Variants in RMDN2 observed in about 807,000 individuals in gnomAD.
The protein encoded by RMDN2 is regulator of microtubule dynamics protein 2.
In RMDN2, 61 loss-of-function variants were observed where a neutral mutation model predicts 52.8. The ratio of observed to expected loss-of-function variants is 1.16; its 90% CI spans 0.94 to 1.43. RMDN2 has a LOEUF of 1.43. Ranked by LOEUF, RMDN2 falls within the 40% of genes most tolerant of loss-of-function variation. The pLI, the probability that RMDN2 is intolerant of heterozygous loss-of-function variation, is 0.00. For missense variants in RMDN2, 592 were observed against 475.3 expected, an observed-to-expected ratio of 1.25 and a Z score of -2.28; for synonymous variants, 180 against 153.1, an observed-to-expected ratio of 1.18 and a Z score of -1.30.
intron 10 of RMDN2, among the ~76,000 whole-genome samples, chr2:38,004,838 T>C (rs978581431): frequency 3.3e-5 from 5 of 151,936 alleles, no homozygotes; most frequent in African/African-American, 1.2e-4. Context: ...CCTAATGCTA[T>C]CCCTCCCCAC....
intron 10 of RMDN2, chr2:38,030,238 C>CT (rs879039856): frequency 2.6e-5 from 4 of 152,178 alleles, no homozygotes; most frequent in Admixed American, 2.6e-4. Context: ...GTGCATTCTA[C>CT]TTTATTTTTT....
chr2:37,993,277 A>T (rs1056633199), intron 7 of RMDN2, among the ~76,000 whole-genome samples: 2 of 152,176 alleles, frequency 1.3e-5, no homozygotes, highest in Non-Finnish European at 2.9e-5. Context: ...TCTACTGCCT[A>T]TAAATTATAA....
chr2:37,956,763 C>T (rs1156253834), intron 2 of RMDN2, among the ~76,000 whole-genome samples: 1 of 151,920 alleles, frequency 6.6e-6, no homozygotes, highest in Non-Finnish European at 1.5e-5. Context: ...CCCATCAACC[C>T]GTCATCTATG....
intron 10 of RMDN2, among the ~76,000 whole-genome samples, chr2:38,032,592 C>T (rs931177634): frequency 1.3e-4 from 20 of 152,326 alleles, no homozygotes; most frequent in African/African-American, 4.3e-4. Context: ...GTAATCCCAG[C>T]AGTTTGGGAG....
At chr2:38,034,446 A>T (rs1002121512) in intron 10 of RMDN2, among the ~76,000 whole-genome samples, 5 of 152,154 alleles carry the variant, frequency 3.3e-5, no homozygotes, top group African/African-American at 1.2e-4. Context: ...ACTTTTTCAG[A>T]GGCAAACAGG....
At chr2:38,033,139 G>T (rs168054) in intron 10 of RMDN2, 2 of 152,082 alleles carry the variant, frequency 1.3e-5, no homozygotes, top group African/African-American at 4.8e-5. Context: ...TTTATTCATA[G>T]TTCTCTGACC....
At chr2:37,951,138 A>G (rs996514730) in intron 2 of RMDN2, 1 of 1,179,018 alleles carries the variant, frequency 8.5e-7, no homozygotes, top group Non-Finnish European at 1.2e-6. Flanking sequence ...CAATTGGTGG[A>G]CACCAAAAGG....
At chr2:38,020,444 C>T (rs900672359), downstream of RMDN2, among the ~76,000 whole-genome samples, 1 of 152,246 alleles carries the variant, frequency 6.6e-6, no homozygotes, top group African/African-American at 2.4e-5. Context: ...CACCGCTGCA[C>T]TGTGGGAGCC....
chr2:38,009,732 G>T lies in RMDN2; in HGVS notation c.1179+5516G>T, dbSNP rs187004792. On this transcript the variant is annotated intron_variant, in intron 10 of 10. Transcript: ENST00000354545. ...ACTTGTCAGAGTCATTCTCCGTCCA[G>T]CTTTGTTCCGTTGCTGGTGAGGAGC... 2.5e-4 allele frequency among the ~76,000 whole-genome samples: 38 copies of T among 152,312 alleles called. No individual in the cohort carries two copies. The Middle Eastern group carries it at 0.01, about 41-fold the overall frequency.
In RMDN2 at chr2:38,047,696, GA is replaced by G. The variant is rs533490767; in HGVS notation, c.1714-19279del. On this transcript the variant is annotated intron_variant, in intron 10 of 10. Transcript: ENST00000234195. ...TATTGCATTCTTTTCTATGTAAATG[GA>G]AAAAAAGTTTGACTTTCTATATTTT... is the stretch of plus-strand genomic sequence containing the variant. Among the ~76,000 whole-genome samples, 222 of 152,002 alleles carry G rather than the reference GA, an allele frequency of 1.5e-3. 2 individuals carry two copies. Among genetic ancestry groups the G allele is most frequent in the Non-Finnish European group, 3.8e-4 (26 of 67,960 alleles).
intron 10 of RMDN2, among the ~76,000 whole-genome samples, chr2:38,062,774 C>CA (rs1230932580): frequency 3.4e-5 from 4 of 119,160 alleles, no homozygotes; most frequent in Non-Finnish European, 4.1e-5. Context: ...CCCCTTCCCC[C>CA]CCCCCACAAC....
At chr2:38,033,173 G>A (rs1022454657) in intron 10 of RMDN2, 1 of 152,282 alleles carries the variant, frequency 6.6e-6, no homozygotes, top group South Asian at 2.1e-4. Context: ...ATCCTTTCAT[G>A]TGCTCATTTG....
At chr2:37,984,608 C>G (rs1205984128) in intron 5 of RMDN2, among the ~76,000 whole-genome samples, 3 of 152,116 alleles carry the variant, frequency 2.0e-5, no homozygotes, top group African/African-American at 4.8e-5. Context: ...TCTGCTTTTT[C>G]ATAGTATAAA....
At chr2:37,951,921 C>T in intron 2 of RMDN2, 1 of 1,613,348 alleles carries the variant, frequency 6.2e-7, no homozygotes, top group South Asian at 1.1e-5. Flanking sequence ...CAATGATATT[C>T]AACAAAGGGG....
chr2:37,924,715 C>CCTT (rs1666138223), upstream of RMDN2, among the ~76,000 whole-genome samples: 6 of 152,198 alleles, frequency 3.9e-5, no homozygotes, highest in Admixed American at 3.3e-4. Flanking sequence ...ATACAAACCA[C>CCTT]AGAAAGCTGG....
intron 10 of RMDN2, among the ~76,000 whole-genome samples, chr2:38,037,332 T>C (rs555328314): frequency 1.3e-5 from 2 of 152,216 alleles, no homozygotes; most frequent in Non-Finnish European, 2.9e-5. Context: ...CCCCAGACTT[T>C]TCCAAGTTGC....
chr2:38,052,098 T>C (rs1289116295), intron 10 of RMDN2, among the ~76,000 whole-genome samples: 1 of 152,238 alleles, frequency 6.6e-6, no homozygotes, highest in African/African-American at 2.4e-5. Context: ...CTCTACACTG[T>C]TTTCCATAAT....
At chr2:38,009,321 C>G (rs1189469736) in intron 10 of RMDN2, among the ~76,000 whole-genome samples, 2 of 152,220 alleles carry the variant, frequency 1.3e-5, no homozygotes, top group East Asian at 1.9e-4. Flanking sequence ...GTTCCATTCT[C>G]CCTGTCACAT....
At chr2:37,945,607 G>C (rs1214111266) in intron 2 of RMDN2, among the ~76,000 whole-genome samples, 3 of 152,044 alleles carry the variant, frequency 2.0e-5, no homozygotes, top group Non-Finnish European at 2.9e-5. Context: ...TTACAGATAA[G>C]GGAAAGAAAA....
Sources: gnomAD v4.1 joint callset for allele counts (sites outside exome capture counted in the v4.1 genomes callset) on GRCh38, gnomAD v4.1.1 for gene constraint, MANE v1.5 for transcripts, NCBI Gene and HGNC (gene_info 2026-07-23, HGNC 2026-07-21) for gene names.